The following WWP2 variants were observed in gnomAD, a reference collection of about 807,000 sequenced individuals.
The protein encoded by WWP2 is WW domain containing E3 ubiquitin protein ligase 2.
In WWP2, 57 loss-of-function variants were observed where a neutral mutation model predicts 121.0. That is an observed-to-expected ratio of 0.47 (90% CI 0.38 to 0.59). WWP2 has a LOEUF of 0.59. WWP2 is among the 20% of genes least tolerant of loss of function. WWP2 has a pLI of 0.00. For missense variants in WWP2, 962 were observed against 1,158.9 expected (o/e 0.83, Z 2.47); for synonymous variants, 449 against 441.3 (o/e 1.02, Z -0.22).
intron 6 of WWP2, among the ~76,000 whole-genome samples, chr16:69,860,156 A>G (rs992381891): frequency 2.0e-5 from 3 of 152,052 alleles, no homozygotes; most frequent in East Asian, 1.9e-4. Flanking sequence ...GCTATAAAAA[A>G]AAATCAAAAA....
chr16:69,917,387 C>T (rs763058987), intron 9 of WWP2, among the ~76,000 whole-genome samples: 1 of 152,204 alleles, frequency 6.6e-6, no homozygotes, highest in Non-Finnish European at 1.5e-5. Flanking sequence ...GATTTGCTAG[C>T]AGATGTCCTG....
At chr16:69,867,844 A>G (rs2057557022) in intron 6 of WWP2, among the ~76,000 whole-genome samples, 1 of 152,084 alleles carries the variant, frequency 6.6e-6, no homozygotes, top group Non-Finnish European at 1.5e-5. Flanking sequence ...CCCTCCCCCT[A>G]AATGGTGAGG....
intron 4 of WWP2, among the ~76,000 whole-genome samples, chr16:69,813,294 C>T (rs2056429928): frequency 6.6e-6 from 1 of 151,930 alleles, no homozygotes; most frequent in Admixed American, 6.6e-5. Flanking sequence ...TCCTGAGTAG[C>T]TGGGATTACA....
chr16:69,865,999 A>C (rs1418192263), intron 6 of WWP2, among the ~76,000 whole-genome samples: 2 of 152,196 alleles, frequency 1.3e-5, no homozygotes, highest in African/African-American at 4.8e-5. Flanking sequence ...TGAGGAAAGA[A>C]AGACTTATGG....
At chr16:69,816,333 A>T (rs2056489375) in intron 4 of WWP2, among the ~76,000 whole-genome samples, 1 of 151,692 alleles carries the variant, frequency 6.6e-6, no homozygotes, top group Admixed American at 6.6e-5. Context: ...TTGTAATTTC[A>T]GCACTTTGGA....
intron 6 of WWP2, among the ~76,000 whole-genome samples, chr16:69,849,076 G>A (rs1026710556): frequency 9.9e-5 from 15 of 152,198 alleles, no homozygotes; most frequent in Admixed American, 8.5e-4. Flanking sequence ...ACCGTCTCCG[G>A]TGAGCTCTAA....
chr16:69,803,099 G>T (rs576021019), intron 4 of WWP2, among the ~76,000 whole-genome samples: 6 of 149,504 alleles, frequency 4.0e-5, no homozygotes, highest in Admixed American at 3.3e-4. Flanking sequence ...AAAAAAAAAA[G>T]CCTTTTTTTT....
At position 69,796,148 on chromosome 16, in the gene WWP2, TA is replaced by T. The variant is rs536757564; in HGVS notation, c.71-2528del. Among the ~76,000 whole-genome samples, 43 of 152,268 alleles carry T rather than the reference TA, an allele frequency of 2.8e-4. No homozygotes were observed. The South Asian group carries it at 5.4e-3, about 19-fold the overall frequency. The stretch of plus-strand genomic sequence containing the variant: ...TTGATAATTGTGCTATTGGTTATGT[TA>T]AAAAATGTGTTTGTTGGGAAATACA... On this transcript the variant is annotated intron_variant, in intron 2 of 23. Coordinates refer to ENST00000359154, the MANE Select transcript of WWP2 (RefSeq NM_001270454.2).
At chr16:69,933,947 C>T in intron 16 of WWP2, 23 bp from the exon 17 acceptor site, 1 of 1,610,346 alleles carries the variant, frequency 6.2e-7, no homozygotes, top group Middle Eastern at 1.7e-4. Flanking sequence ...TTATTCTTGT[C>T]TTTTCTGTCT....
At chr16:69,868,403 C>T (rs1024956276) in intron 6 of WWP2, among the ~76,000 whole-genome samples, 3 of 152,146 alleles carry the variant, frequency 2.0e-5, no homozygotes, top group African/African-American at 7.2e-5. Flanking sequence ...GGGACCCACC[C>T]TATTGTCATG....
intron 4 of WWP2, among the ~76,000 whole-genome samples, chr16:69,817,209 G>A (rs1596991397): frequency 6.6e-6 from 1 of 152,092 alleles, no homozygotes; most frequent in East Asian, 1.9e-4. Flanking sequence ...CCGCATCAGT[G>A]AAACTAGGTC....
At chr16:69,900,236 C>T (rs1375534032) in intron 8 of WWP2, among the ~76,000 whole-genome samples, 1 of 152,128 alleles carries the variant, frequency 6.6e-6, no homozygotes, top group Non-Finnish European at 1.5e-5. Context: ...GGCCAAATTG[C>T]CCTTTGGAAA....
At chr16:69,932,901 G>A (rs534617718) in intron 16 of WWP2, among the ~76,000 whole-genome samples, 2 of 152,332 alleles carry the variant, frequency 1.3e-5, no homozygotes, top group South Asian at 2.1e-4. Context: ...CTCTCCGCTC[G>A]AGACCTCTCC....
At chr16:69,848,397 C>T (rs1434356968) in intron 6 of WWP2, among the ~76,000 whole-genome samples, 7 of 151,856 alleles carry the variant, frequency 4.6e-5, no homozygotes, top group Non-Finnish European at 1.0e-4. Flanking sequence ...TTGTGGTGAG[C>T]CCAGATCGTG....
intron 7 of WWP2, among the ~76,000 whole-genome samples, chr16:69,884,212 T>C (rs2057883208): frequency 6.6e-6 from 1 of 152,234 alleles, no homozygotes; most frequent in Non-Finnish European, 1.5e-5. Context: ...TTCTGCACTT[T>C]TTCGTTTAGT....
chr16:69,906,319 G>T (rs527906305), intron 8 of WWP2, among the ~76,000 whole-genome samples: 10 of 151,978 alleles, frequency 6.6e-5, no homozygotes, highest in Non-Finnish European at 1.3e-4. Flanking sequence ...TGATCTGCCC[G>T]CCTTGGCCTC....
chr16:69,935,701 C>T lies in WWP2; in HGVS notation c.1843-152C>T. The T allele has an allele frequency of 8.8e-7, 1 of 1,137,364 alleles. No individual in the cohort carries two copies. Among genetic ancestry groups the T allele is most frequent in the East Asian group, 2.4e-5 (1 of 41,998 alleles). 70.5% of individuals were successfully genotyped at this position (1,137,364 alleles called of 1,614,324 possible). A position where few individuals can be genotyped will look rare whatever the true frequency, so the allele number is the denominator to read the frequency against. On this transcript the variant is annotated intron_variant, in intron 17 of 23. Coordinates refer to ENST00000359154, the MANE Select transcript of WWP2 (RefSeq NM_001270454.2). This position sits in a 1 kb window ranked among gnomAD's most constrained non-coding sequence, Gnocchi z 5.2. The stretch of plus-strand genomic sequence containing the variant: ...TAAAGGCGTTGTTTACTCCTGAGGC[C>T]CTCCCGCTGCGTCCGAGGCAGCTGC...
chr16:69,782,117 T>C (rs1389105304), intron 1 of WWP2, among the ~76,000 whole-genome samples: 1 of 152,054 alleles, frequency 6.6e-6, no homozygotes, highest in Non-Finnish European at 1.5e-5. Flanking sequence ...ACCCTGTCTT[T>C]ACTAAAAATA....
Position 69,888,888 on chromosome 16 carries a change from T to C in WWP2, c.914+639T>C, listed in dbSNP as rs777896554. 9.2e-5 allele frequency among the ~76,000 whole-genome samples: 14 copies of C among 152,286 alleles called. No individual in the cohort carries two copies. In the East Asian group the frequency reaches 9.7e-4, roughly 11 times the overall value. On this transcript the variant is annotated intron_variant, in intron 8 of 23. Coordinates refer to ENST00000359154, the MANE Select transcript of WWP2 (RefSeq NM_001270454.2). ...CTGGCTAATTTTTTTGTATTTTTAG[T>C]AGAGATATGGTTTCGCCCTGTTGGC... is the stretch of plus-strand genomic sequence containing the variant.
Sources: allele counts gnomAD v4.1 joint callset (sites outside exome capture counted in the v4.1 genomes callset), GRCh38; gene constraint gnomAD v4.1.1; non-coding constraint Gnocchi (gnomAD v3.1); transcripts MANE v1.5; gene names NCBI Gene and HGNC (gene_info 2026-07-23, HGNC 2026-07-21).